RBM25: variants seen among roughly 807,000 people sequenced by gnomAD.
The protein encoded by RBM25 is RNA binding motif protein 25.
Under a neutral mutation model 120.7 loss-of-function variants are expected in RBM25, and 19 were observed. The ratio of observed to expected loss-of-function variants is 0.16; its 90% CI spans 0.11 to 0.23. The LOEUF (loss-of-function observed/expected upper bound fraction) is 0.23, where lower values mean the gene tolerates loss of function less well. Among genes scored for constraint, RBM25 ranks in the 10% least tolerant of loss-of-function variants. The pLI is 1.00. For synonymous variants in RBM25, 390 were observed against 326.7 expected (o/e 1.19, Z -2.09); for missense variants, 605 against 1,041.5 (o/e 0.58, Z 5.77).
At chr14:73,081,688 C>G (rs1032833533) in intron 4 of RBM25, among the ~76,000 whole-genome samples, 2 of 152,062 alleles carry the variant, frequency 1.3e-5, no homozygotes, top group African/African-American at 4.8e-5. Flanking sequence ...ATCTGAAGTG[C>G]TTTTTATTTC....
intron 9 of RBM25, chr14:73,100,965 G>C (rs962472960): frequency 2.0e-5 from 3 of 152,072 alleles, no homozygotes; most frequent in African/African-American, 7.2e-5. Flanking sequence ...TGTGTGTGTG[G>C]TTTACCCCCT....
intron 14 of RBM25, 39 bp from the exon 15 acceptor site, chr14:73,110,792 G>A: frequency 4.5e-6 from 7 of 1,570,326 alleles, no homozygotes; most frequent in South Asian, 1.2e-5. Context: ...GTTGAATGGT[G>A]TAGAGTTGTA....
In RBM25 at chr14:73,119,905, ATTT is replaced by A; in HGVS notation, c.*110_*112del. On this transcript the variant is annotated 3_prime_UTR_variant, in exon 19 of 19. Coordinates refer to ENST00000261973, the MANE Select transcript of RBM25 (RefSeq NM_021239.3). The stretch of plus-strand genomic sequence containing the variant: ...CTTTGAAGACATTGTGAGATCTGTA[ATTT>A]TTTTTTTTTGTAGAAAATGTGAATT... 8.9e-7 allele frequency: 1 copy of A among 1,124,940 alleles called. No individual in the cohort carries two copies. Among genetic ancestry groups the A allele is most frequent in the Non-Finnish European group, 1.2e-6 (1 of 848,932 alleles). 69.7% of individuals were successfully genotyped at this position (1,124,940 alleles called of 1,614,324 possible). A position where few individuals can be genotyped will look rare whatever the true frequency, so the allele number is the denominator to read the frequency against.
At chr14:73,101,568 A>G (rs1405298986) in intron 9 of RBM25, 6 of 151,390 alleles carry the variant, frequency 4.0e-5, no homozygotes, top group Admixed American at 4.0e-4. Flanking sequence ...TTTAGTATGG[A>G]CTAGATTCAC....
chr14:73,099,642 C>T (rs760048201), intron 8 of RBM25, 25 bp from the exon 9 acceptor site: 5 of 1,589,596 alleles, frequency 3.1e-6, no homozygotes, highest in Non-Finnish European at 8.5e-7. Flanking sequence ...TTTATTCATT[C>T]CCTCCTGTGC....
Position 73,105,971 on chromosome 14 carries a change from C to T in RBM25, c.1267C>T (p.Arg423Ter). The T allele has an allele frequency of 6.2e-7, 1 of 1,610,830 alleles. No homozygotes were observed. The highest frequency in any genetic ancestry group is 1.7e-4 in the Middle Eastern group (1 of 6,034). The change falls in exon 11 of 19, where the codon CGA becomes TGA. Residue 423 changes from arginine (R) to a stop codon, truncating the protein, a stop_gained. Transcript: ENST00000261973. LOFTEE classifies it high-confidence loss of function. ...RERERERERE[R>*]EREKDKKRDR... ...GAGAGAGCGAGAGAGGGAACGGGAG[C>T]GAGAAAGAGAAAAAGACAAAAAACG...
Position 73,058,673 on chromosome 14 carries a change from G to A in RBM25, c.-48G>A, listed in dbSNP as rs531402720. ...GCACTCGTAACCTGGATCCCAGAAG[G>A]TCGCGAAGGCAGTACCGTTTCCTCA... On this transcript the variant is annotated 5_prime_UTR_variant, in exon 1 of 19. Coordinates refer to ENST00000261973, the MANE Select transcript of RBM25 (RefSeq NM_021239.3). 6.6e-6 allele frequency: 1 copy of A among 152,316 alleles called. No individual in the cohort carries two copies. The highest frequency in any genetic ancestry group is 2.1e-4 in the South Asian group (1 of 4,824). 9.4% of individuals were successfully genotyped at this position (152,316 alleles called of 1,614,324 possible).
chr14:73,076,367 C>A lies in RBM25; in HGVS notation c.155C>A (p.Thr52Asn). ...VPMSIMAPAP[T>N]VLVPTVSMVG... ...ATGAGCATTATGGCTCCTGCTCCAA[C>A]TGTAAGTATAACTTAAAGGAGGAAT... The change falls in exon 3 of 19, where the codon ACT (threonine) becomes AAT (asparagine). Residue 52 changes from threonine to asparagine, a missense_variant and splice_region_variant. By Grantham distance (65) the Thr-to-Asn change is moderately conservative. Around this residue, in one of 4 missense-constraint regions of RBM25, gnomAD observed 90 missense variants for 107.3 expected, o/e 0.84. Coordinates refer to ENST00000261973, the MANE Select transcript of RBM25 (RefSeq NM_021239.3). 6.2e-7 allele frequency: 1 copy of A among 1,610,292 alleles called. No homozygotes were observed. Among genetic ancestry groups the A allele is most frequent in the Non-Finnish European group, 8.5e-7 (1 of 1,176,712 alleles).
In RBM25 at chr14:73,076,385, G is replaced by A. The variant is rs779274391; in HGVS notation, c.156+17G>A. ...GCTCCAACTGTAAGTATAACTTAAA[G>A]GAGGAATCATGAGTTATGGTAGTGC... On this transcript the variant is annotated intron_variant, in intron 3 of 18. Coordinates refer to ENST00000261973, the MANE Select transcript of RBM25 (RefSeq NM_021239.3). The A allele has an allele frequency of 1.3e-6, 2 of 1,598,524 alleles. No individual in the cohort carries two copies. The highest frequency in any genetic ancestry group is 1.7e-6 in the Non-Finnish European group (2 of 1,166,334).
intron 9 of RBM25, chr14:73,100,976 T>A (rs1456699434): frequency 6.6e-6 from 1 of 152,202 alleles, no homozygotes; most frequent in Non-Finnish European, 1.5e-5. Context: ...TTTACCCCCT[T>A]TTTGTTTTTA....
intron 4 of RBM25, 134 bp from the exon 5 acceptor site, chr14:73,083,360 A>G (rs761468037): frequency 4.8e-6 from 3 of 623,600 alleles, no homozygotes; most frequent in Non-Finnish European, 7.8e-6. Flanking sequence ...AATTGCAAAA[A>G]TTTTCGCAAA....
intron 14 of RBM25, 83 bp downstream of exon 14, chr14:73,109,575 C>T (rs1489837593): frequency 1.8e-5 from 24 of 1,316,796 alleles, no homozygotes; most frequent in East Asian, 1.7e-4. Context: ...GGGCGGATCA[C>T]GAGGTCGGGA....
intron 6 of RBM25, among the ~76,000 whole-genome samples, chr14:73,092,140 C>G (rs1895831256): frequency 6.6e-6 from 1 of 151,208 alleles, no homozygotes; most frequent in South Asian, 2.1e-4. Context: ...TTTCAAATAA[C>G]TTAAGCAAAT....
intron 6 of RBM25, among the ~76,000 whole-genome samples, chr14:73,094,845 G>C (rs1163954381): frequency 6.8e-6 from 1 of 147,052 alleles, no homozygotes; most frequent in Non-Finnish European, 1.5e-5. Flanking sequence ...GTGTGTGTCT[G>C]TGTGTGTGTG....
At chr14:73,072,953 G>A (rs1355700798) in intron 2 of RBM25, among the ~76,000 whole-genome samples, 4 of 151,942 alleles carry the variant, frequency 2.6e-5, no homozygotes, top group African/African-American at 4.8e-5. Context: ...TTTGGGCGAG[G>A]CCTCACTTTG....
chr14:73,097,179 G>A, intron 7 of RBM25, 79 bp downstream of exon 7: 1 of 273,554 alleles, frequency 3.7e-6, no homozygotes, highest in Non-Finnish European at 5.5e-6. Context: ...TTACATGTCA[G>A]TTTTCTTTTT....
chr14:73,064,304 A>G (rs1411034195), intron 1 of RBM25, among the ~76,000 whole-genome samples: 2 of 151,546 alleles, frequency 1.3e-5, no homozygotes. Context: ...GTGTTGAAAT[A>G]AGTAGTTGGT....
chr14:73,061,294 G>A (rs1895000445), intron 1 of RBM25, among the ~76,000 whole-genome samples: 1 of 151,112 alleles, frequency 6.6e-6, no homozygotes, highest in Admixed American at 6.6e-5. Context: ...TCTGACCTCA[G>A]GTGATCCACC....
intron 2 of RBM25, among the ~76,000 whole-genome samples, chr14:73,072,907 T>G (rs998335280): frequency 6.6e-6 from 1 of 152,094 alleles, no homozygotes; most frequent in Non-Finnish European, 1.5e-5. Context: ...CATTTGTCTT[T>G]ATTTTGTTTG....
Sources: gnomAD v4.1 joint callset for allele counts (sites outside exome capture counted in the v4.1 genomes callset) on GRCh38, gnomAD v4.1.1 for gene constraint, gnomAD v4.1.1 regional missense constraint, MANE v1.5 for transcripts, NCBI Gene and HGNC (gene_info 2026-07-23, HGNC 2026-07-21) for gene names.